The following NCOA2 variants were observed in gnomAD, a reference collection of about 807,000 sequenced individuals.
The protein encoded by NCOA2 is class E basic helix-loop-helix protein 75.
In NCOA2, 21 loss-of-function variants were observed where a neutral mutation model predicts 145.1. That is an observed-to-expected ratio of 0.14 (90% CI 0.10 to 0.21). The LOEUF (loss-of-function observed/expected upper bound fraction) is 0.21. Among genes scored for constraint, NCOA2 ranks in the 10% least tolerant of loss-of-function variants. The pLI, the probability that NCOA2 is intolerant of heterozygous loss-of-function variation, is 1.00. For missense variants in NCOA2, 1,472 were observed against 1,837.6 expected (o/e 0.80, Z 3.64); for synonymous variants, 619 against 637.5 (o/e 0.97, Z 0.44).
chr8:70,189,167 T>C (rs1046916921), intron 4 of NCOA2, among the ~76,000 whole-genome samples: 2 of 152,150 alleles, frequency 1.3e-5, no homozygotes, highest in South Asian at 2.1e-4. Flanking sequence ...TCCACTTCAT[T>C]TGGGGTGTCT....
At chr8:70,421,950 T>C in the NCOA2 span, among the ~76,000 whole-genome samples, 5 of 151,422 alleles carry the variant, frequency 3.3e-5, no homozygotes, top group Non-Finnish European at 7.4e-5. Context: ...CAAAAATTAG[T>C]CAGGTGTGGT....
intron 2 of NCOA2, among the ~76,000 whole-genome samples, chr8:70,276,363 G>A (rs1443732557): frequency 2.0e-5 from 3 of 152,048 alleles, no homozygotes; most frequent in Non-Finnish European, 4.4e-5. Context: ...GCAAATTGAG[G>A]CGATTTAAGA....
intron 1 of NCOA2, among the ~76,000 whole-genome samples, chr8:70,299,914 C>T (rs961550725): frequency 6.6e-5 from 10 of 152,164 alleles, no homozygotes; most frequent in East Asian, 3.8e-4. Flanking sequence ...TTCTTAAATG[C>T]TGTACATCCA....
the NCOA2 span, among the ~76,000 whole-genome samples, chr8:70,428,568 G>A: frequency 6.6e-6 from 1 of 152,196 alleles, no homozygotes; most frequent in Non-Finnish European, 1.5e-5. Flanking sequence ...AGGCTGCGGT[G>A]AGCTGGGATT....
chr8:70,397,206 C>T (rs748927346), intron 1 of NCOA2, among the ~76,000 whole-genome samples: 1 of 152,148 alleles, frequency 6.6e-6, no homozygotes, highest in Non-Finnish European at 1.5e-5. Flanking sequence ...TGCCTGTAAT[C>T]TTAGCACTCT....
At chr8:70,346,055 C>G (rs1481608153) in intron 1 of NCOA2, among the ~76,000 whole-genome samples, 1 of 152,156 alleles carries the variant, frequency 6.6e-6, no homozygotes, top group Non-Finnish European at 1.5e-5. Flanking sequence ...ATAAAATATC[C>G]TAATCAAGAA....
chr8:70,263,768 T>C (rs1267740314), intron 2 of NCOA2, among the ~76,000 whole-genome samples: 1 of 151,012 alleles, frequency 6.6e-6, no homozygotes, highest in Non-Finnish European at 1.5e-5. Flanking sequence ...TACAGTTAAA[T>C]GGGCAAAATA....
At chr8:70,453,238 T>C in the NCOA2 span, among the ~76,000 whole-genome samples, 1 of 152,346 alleles carries the variant, frequency 6.6e-6, no homozygotes, top group Admixed American at 6.5e-5. Context: ...TAGTCCTTGC[T>C]ATCTACCTTC....
chr8:70,256,431 G>A (rs1259803282), intron 2 of NCOA2, among the ~76,000 whole-genome samples: 1 of 152,168 alleles, frequency 6.6e-6, no homozygotes, highest in Non-Finnish European at 1.5e-5. Context: ...GACCACAGCT[G>A]CCTTACCCAG....
chr8:70,126,908 G>A lies in NCOA2; in HGVS notation c.3821C>T (p.Pro1274Leu). Residue 1274 changes from proline to leucine, a missense_variant, in exon 19 of 23, where the codon CCA becomes CTA. Coordinates refer to ENST00000452400, the MANE Select transcript of NCOA2 (RefSeq NM_006540.4). ...CATACCACTAGGAGCCACCATGCTT[G>A]GTGTCATATTCAACCCTTGTCCTCT... is the stretch of plus-strand genomic sequence containing the variant. ...MMRGQGLNMT[P>L]SMVAPSGMPA... 6.2e-7 allele frequency: 1 copy of A among 1,613,976 alleles called. No individual in the cohort carries two copies. The highest frequency in any genetic ancestry group is 8.5e-7 in the Non-Finnish European group (1 of 1,179,880).
chr8:70,405,641 A>T (rs567015391), upstream of NCOA2, among the ~76,000 whole-genome samples: 2 of 150,924 alleles, frequency 1.3e-5, no homozygotes, highest in Admixed American at 1.3e-4. Flanking sequence ...CTCACCCCCA[A>T]CTGTGAGTTA....
At chr8:70,161,318 G>A (rs1256281400) in intron 9 of NCOA2, among the ~76,000 whole-genome samples, 1 of 152,156 alleles carries the variant, frequency 6.6e-6, no homozygotes, top group Non-Finnish European at 1.5e-5. Flanking sequence ...GCTTATGCCA[G>A]TTTCTTAGTT....
the NCOA2 span, among the ~76,000 whole-genome samples, chr8:70,450,230 T>G: frequency 2.6e-5 from 4 of 152,236 alleles, no homozygotes; most frequent in South Asian, 8.3e-4. Flanking sequence ...CAAATTCATA[T>G]GTTCAAAACT....
At chr8:70,350,472 T>C (rs1809076798) in intron 1 of NCOA2, among the ~76,000 whole-genome samples, 1 of 152,202 alleles carries the variant, frequency 6.6e-6, no homozygotes, top group Non-Finnish European at 1.5e-5. Context: ...GAAATTAAAT[T>C]GGCCCCAACT....
upstream of NCOA2, among the ~76,000 whole-genome samples, chr8:70,405,454 T>TG (rs1814737461): frequency 7.6e-6 from 1 of 132,346 alleles, no homozygotes; most frequent in Admixed American, 7.6e-5. Flanking sequence ...TTTTTTTTTT[T>TG]TTTTTTTTTT....
chr8:70,314,979 A>G (rs928966905), intron 1 of NCOA2, among the ~76,000 whole-genome samples: 20 of 152,336 alleles, frequency 1.3e-4, no homozygotes, highest in African/African-American at 4.8e-4. Context: ...CATTTATTTG[A>G]GTGTCCTAAA....
upstream of NCOA2, among the ~76,000 whole-genome samples, chr8:70,404,759 A>AG (rs886329901): frequency 6.6e-6 from 1 of 152,216 alleles, no homozygotes; most frequent in African/African-American, 2.4e-5. Context: ...CAAAGTACTG[A>AG]GGGGACGTAG....
At chr8:70,264,731 AC>A (rs978397089) in intron 2 of NCOA2, among the ~76,000 whole-genome samples, 22 of 152,256 alleles carry the variant, frequency 1.4e-4, no homozygotes, top group African/African-American at 5.3e-4. Context: ...ATTAGAAACA[AC>A]CTAAATGCAG....
At chr8:70,172,876 A>C (rs1230055169) in intron 5 of NCOA2, among the ~76,000 whole-genome samples, 2 of 152,168 alleles carry the variant, frequency 1.3e-5, no homozygotes, top group Admixed American at 1.3e-4. Flanking sequence ...AAGGCTCACT[A>C]TGATATGCTC....
Sources: gnomAD v4.1 joint callset for allele counts (sites outside exome capture counted in the v4.1 genomes callset) on GRCh38, gnomAD v4.1.1 for gene constraint, MANE v1.5 for transcripts, NCBI Gene and HGNC (gene_info 2026-07-23, HGNC 2026-07-21) for gene names.